Variants in PTDSS2 observed in about 807,000 individuals in gnomAD.
PTDSS2 encodes PSS-2.
A neutral mutation model predicts 64.7 loss-of-function variants in PTDSS2; 41 were observed. The observed-to-expected ratio is 0.63, with a 90% confidence interval of 0.49 to 0.82. PTDSS2 has a LOEUF of 0.82. Among genes scored for constraint, PTDSS2 ranks in the 40% least tolerant of loss-of-function variants. The probability of loss-of-function intolerance (pLI) is 0.00; values close to 1 mark genes in which losing one functional copy is unlikely to be tolerated. For missense variants in PTDSS2, 485 were observed against 650.0 expected (o/e 0.75, Z 2.76); for synonymous variants, 297 against 277.8 (o/e 1.07, Z -0.69).
Position 460,560 on chromosome 11 carries a change from T to C in PTDSS2, c.284+272T>C, listed in dbSNP as rs73385849. On this transcript the variant is annotated intron_variant, in intron 2 of 11. Coordinates refer to ENST00000308020, the MANE Select transcript of PTDSS2 (RefSeq NM_030783.3). The surrounding 1 kb of genome is among the most constrained non-coding windows in gnomAD (Gnocchi z 5.8). Reference sequence around the variant, plus strand: ...GACCGGCAGCCTGTGCTGCGTTTCCTCTGAGTTTTGCATGTTGAGGTTGGA... The same window carrying C: ...GACCGGCAGCCTGTGCTGCGTTTCCCCTGAGTTTTGCATGTTGAGGTTGGA... 0.015 allele frequency: 6,360 copies of C among 421,796 alleles called. 332 individuals carry two copies. The highest frequency in any genetic ancestry group is 0.12 in the African/African-American group (5,791 of 49,908). The allele number at this position is 421,796 out of a possible 1,614,324, so 26.1% of individuals were successfully genotyped here. A position where few individuals can be genotyped will look rare whatever the true frequency, so the allele number is the denominator to read the frequency against.
rs75558559 is a variant in PTDSS2 at position 457,755 on chromosome 11, G to A, written c.183-2432G>A. ...GTCTCAGGCCCACGTTTGGGAGTGT[G>A]TCTTTGACTGGACCTGTGTTTTCAT... On this transcript the variant is annotated intron_variant, in intron 1 of 11. Transcript: ENST00000308020. Among the ~76,000 whole-genome samples the A allele has an allele frequency of 3.0e-3, 453 of 152,378 alleles. 9 individuals are homozygous for A. In the East Asian group the frequency reaches 0.056, roughly 19 times the overall value.
intron 1 of PTDSS2, chr11:451,482 C>G (rs1186218349): frequency 4.9e-6 from 2 of 405,214 alleles, no homozygotes; most frequent in African/African-American, 4.1e-5. Context: ...TTTGGCTCTT[C>G]TTGACTGCAA....
intron 11 of PTDSS2, 84 bp downstream of exon 11, chr11:490,152 G>A (rs773796886): frequency 6.1e-5 from 87 of 1,417,782 alleles, no homozygotes; most frequent in African/African-American, 1.3e-4. Context: ...GTTTGGTGTC[G>A]TTGGTGTCTC....
chr11:459,734 G>A lies in PTDSS2; in HGVS notation c.183-453G>A, dbSNP rs771431459. The A allele has an allele frequency of 1.7e-5, 3 of 171,806 alleles. No individual in the cohort carries two copies. In the South Asian group the frequency reaches 3.8e-4, roughly 22 times the overall value. The allele number at this position is 171,806 out of a possible 1,614,324, so 10.6% of individuals were successfully genotyped here. Reference sequence around the variant, plus strand: ...CCAGCTAGCAGCGGTCACTCTGCAGGCCTCTGCTCAGGCCCCTTCTCAGCT... The same window carrying A: ...CCAGCTAGCAGCGGTCACTCTGCAGACCTCTGCTCAGGCCCCTTCTCAGCT... On this transcript the variant is annotated intron_variant, in intron 1 of 11. Coordinates refer to ENST00000308020, the MANE Select transcript of PTDSS2 (RefSeq NM_030783.3).
chr11:486,966 A>C lies in PTDSS2; in HGVS notation c.463A>C (p.Lys155Gln). 1 of 1,612,994 alleles carries C rather than the reference A, an allele frequency of 6.2e-7. No individual in the cohort carries two copies. Residue 155 changes from lysine (K) to glutamine (Q), a missense_variant, in exon 5 of 12, where the codon AAG (lysine) becomes CAG (glutamine). By Grantham distance (53) the Lys-to-Gln change is moderately conservative. Transcript: ENST00000308020. ...QTVQDGRQFL[K>Q]YVDPKLGVPL... Reference sequence around the variant, plus strand: ...TGTCCAGGACGGCCGGCAGTTTCTAAAGTATGTTGACCCCAAGCTGGGAGT... The same window carrying C: ...TGTCCAGGACGGCCGGCAGTTTCTACAGTATGTTGACCCCAAGCTGGGAGT...
upstream of PTDSS2, among the ~76,000 whole-genome samples, chr11:449,557 A>AT (rs1389096124): frequency 6.6e-6 from 1 of 152,158 alleles, no homozygotes; most frequent in Non-Finnish European, 1.5e-5. Flanking sequence ...TCAGGAGCTA[A>AT]TTTTTTTGCA....
chr11:466,024 CCTAT>C (rs952720568), intron 2 of PTDSS2, among the ~76,000 whole-genome samples: 4 of 152,106 alleles, frequency 2.6e-5, no homozygotes, highest in African/African-American at 2.4e-5. Flanking sequence ...TTACAAAACA[CCTAT>C]CTGATAAAGT....
chr11:480,910 G>T (rs978157940), intron 4 of PTDSS2, among the ~76,000 whole-genome samples: 1 of 151,970 alleles, frequency 6.6e-6, no homozygotes, highest in Admixed American at 6.6e-5. Context: ...GTGAAACCCC[G>T]TCTCTACTGA....
chr11:448,703 G>A (rs1429143017), upstream of PTDSS2, among the ~76,000 whole-genome samples: 1 of 152,238 alleles, frequency 6.6e-6, no homozygotes, highest in East Asian at 1.9e-4. Flanking sequence ...CCCCATCCCT[G>A]CTGGGCGTGG....
chr11:467,696 G>T (rs1398461104), intron 2 of PTDSS2, among the ~76,000 whole-genome samples: 1 of 152,142 alleles, frequency 6.6e-6, no homozygotes, highest in Non-Finnish European at 1.5e-5. Context: ...TCGCAACATT[G>T]CACTCCAGCC....
rs998312956 is a variant in PTDSS2, at chr11:479,383, G to GC, written c.435+233dup. 4 of 593,280 alleles carry GC rather than the reference G, an allele frequency of 6.7e-6. No homozygotes were observed. In the African/African-American group the frequency reaches 7.6e-5, roughly 11 times the overall value. The allele number at this position is 593,280 out of a possible 1,614,324, so 36.8% of individuals were successfully genotyped here. ...CAAAACGTAGGCCGAGCTGCGGGGG[G>GC]CCTCCAGGAGCATCTGCTGGTGGGG... On this transcript the variant is annotated intron_variant, in intron 4 of 11. Coordinates refer to ENST00000308020, the MANE Select transcript of PTDSS2 (RefSeq NM_030783.3). This position sits in a 1 kb window ranked among gnomAD's most constrained non-coding sequence, Gnocchi z 4.2.
chr11:473,130 C>T (rs1847558016), intron 2 of PTDSS2, among the ~76,000 whole-genome samples: 2 of 152,260 alleles, frequency 1.3e-5, no homozygotes, highest in Admixed American at 1.3e-4. Flanking sequence ...TGCTGCTCAC[C>T]GAAACCCACT....
chr11:471,502 C>T (rs1847428760), intron 2 of PTDSS2, among the ~76,000 whole-genome samples: 1 of 152,280 alleles, frequency 6.6e-6, no homozygotes, highest in African/African-American at 2.4e-5. Context: ...CTCTGGGCAG[C>T]ATGCCGTGTG....
chr11:486,785 T>C (rs1848411640), intron 4 of PTDSS2, 154 bp from the exon 5 acceptor site: 1 of 568,864 alleles, frequency 1.8e-6, no homozygotes, highest in Non-Finnish European at 2.2e-6. Context: ...GAGGCGGAGC[T>C]TGCAGTGAGC....
intron 2 of PTDSS2, among the ~76,000 whole-genome samples, chr11:471,550 G>T (rs1847432441): frequency 6.6e-6 from 1 of 152,236 alleles, no homozygotes; most frequent in Admixed American, 6.5e-5. Flanking sequence ...CACCGGCCTG[G>T]GGTGACGCAC....
Position 460,233 on chromosome 11 carries a change from G to A in PTDSS2, c.229G>A (p.Gly77Ser), listed in dbSNP as rs771045346. The A allele has an allele frequency of 1.2e-6, 2 of 1,614,222 alleles. No individual in the cohort carries two copies. The highest frequency in any genetic ancestry group is 2.2e-5 in the South Asian group (2 of 91,084). ...TVLFILTCTL[G>S]YVTLLEETPQ... is the part of the protein sequence containing the mutation. ...GCTCTTCATCCTCACCTGTACGCTT[G>A]GCTATGTGACGCTGCTGGAGGAAAC... The change falls in exon 2 of 12, where the codon GGC becomes AGC. Residue 77 changes from glycine (G) to serine (S), a missense_variant. Physicochemically the swap from Gly to Ser is moderately conservative, Grantham distance 56. Around this residue, in one of 3 missense-constraint regions of PTDSS2, gnomAD observed 251 missense variants for 348.0 expected, o/e 0.72. Coordinates refer to ENST00000308020, the MANE Select transcript of PTDSS2 (RefSeq NM_030783.3). This position sits in a 1 kb window ranked among gnomAD's most constrained non-coding sequence, Gnocchi z 5.8.
rs1048451983 is a variant in PTDSS2 at position 479,377 on chromosome 11, CG to C, written c.435+231del. On this transcript the variant is annotated intron_variant, in intron 4 of 11. Coordinates refer to ENST00000308020, the MANE Select transcript of PTDSS2 (RefSeq NM_030783.3). This position sits in a 1 kb window ranked among gnomAD's most constrained non-coding sequence, Gnocchi z 4.2. ...GACCTTCAAAACGTAGGCCGAGCTG[CG>C]GGGGGCCTCCAGGAGCATCTGCTGG... 5.2e-5 allele frequency: 31 copies of C among 598,228 alleles called. No individual in the cohort carries two copies. Among genetic ancestry groups the C allele is most frequent in the Middle Eastern group, 4.4e-4 (1 of 2,256 alleles). The allele number at this position is 598,228 out of a possible 1,614,324, so 37.1% of individuals were successfully genotyped here. A position where few individuals can be genotyped will look rare whatever the true frequency, so the allele number is the denominator to read the frequency against.
rs780567493 is a variant in PTDSS2 at position 461,662 on chromosome 11, C to G, written c.284+1374C>G. Among the ~76,000 whole-genome samples, 5 of 152,198 alleles carry G rather than the reference C, an allele frequency of 3.3e-5. No homozygotes were observed. The highest frequency in any genetic ancestry group is 7.2e-5 in the African/African-American group (3 of 41,452). ...CCCCCTTTTTCTGAGCCTGAGGTGC[C>G]AGCTTGCTCCCAGGCCTGGCCTGGC... On this transcript the variant is annotated intron_variant, in intron 2 of 11. Transcript: ENST00000308020. The surrounding 1 kb of genome is among the most constrained non-coding windows in gnomAD (Gnocchi z 4.2).
At chr11:457,827 A>C (rs1846669489) in intron 1 of PTDSS2, among the ~76,000 whole-genome samples, 1 of 152,128 alleles carries the variant, frequency 6.6e-6, no homozygotes, top group South Asian at 2.1e-4. Flanking sequence ...TGGATAGCAG[A>C]CGTAGCATAG....
Sources: gnomAD v4.1 joint callset for allele counts (sites outside exome capture counted in the v4.1 genomes callset) on GRCh38, gnomAD v4.1.1 for gene constraint, gnomAD v4.1.1 regional missense constraint, Gnocchi (gnomAD v3.1) non-coding constraint, MANE v1.5 for transcripts, NCBI Gene and HGNC (gene_info 2026-07-23, HGNC 2026-07-21) for gene names.